Variants in ITFG1 observed in about 807,000 individuals in gnomAD.
ITFG1 encodes integrin alpha FG-GAP repeat containing 1, also known as T-cell immunomodulatory protein.
In ITFG1, 34 loss-of-function variants were observed where a neutral mutation model predicts 81.8. The ratio of observed to expected loss-of-function variants is 0.42; its 90% CI spans 0.32 to 0.55. The LOEUF (loss-of-function observed/expected upper bound fraction) is 0.55, where lower values mean the gene tolerates loss of function less well. Among genes scored for constraint, ITFG1 ranks in the 20% least tolerant of loss-of-function variants. ITFG1 has a pLI of 0.17. For synonymous variants in ITFG1, 285 were observed against 270.6 expected (o/e 1.05, Z -0.52); for missense variants, 672 against 755.4 (o/e 0.89, Z 1.29).
At chr16:47,310,121 G>A (rs566903209) in intron 10 of ITFG1, among the ~76,000 whole-genome samples, 4 of 152,314 alleles carry the variant, frequency 2.6e-5, no homozygotes, top group South Asian at 2.1e-4. Flanking sequence ...CTCCAAACAG[G>A]ATGCAGAGAC....
chr16:47,403,919 C>T (rs1262733325), intron 6 of ITFG1, among the ~76,000 whole-genome samples: 2 of 151,758 alleles, frequency 1.3e-5, no homozygotes, highest in Non-Finnish European at 2.9e-5. Context: ...GCATCACCCT[C>T]AGAAGGGACC....
At chr16:47,418,081 A>G (rs1968896304) in intron 6 of ITFG1, among the ~76,000 whole-genome samples, 1 of 152,168 alleles carries the variant, frequency 6.6e-6, no homozygotes, top group Admixed American at 6.5e-5. Context: ...AGCCATTTGA[A>G]TAACAATGAG....
intron 8 of ITFG1, among the ~76,000 whole-genome samples, chr16:47,317,373 C>T (rs754228408): frequency 1.3e-5 from 2 of 152,020 alleles, no homozygotes; most frequent in East Asian, 3.8e-4. Flanking sequence ...AAGCAGAGAA[C>T]AATAAAAGAT....
rs549043675 is a variant in ITFG1 at position 47,336,249 on chromosome 16, A to G, written c.803-22426T>C. Among the ~76,000 whole-genome samples the G allele has an allele frequency of 3.3e-5, 5 of 152,304 alleles. No individual in the cohort carries two copies. The East Asian group carries it at 7.7e-4, about 24-fold the overall frequency. Reference sequence around the variant, plus strand: ...AAACAAGCTGAAACTATCAGAAATAACTGTCAGAACTCTGGAAAACGGTCA... The same window carrying G: ...AAACAAGCTGAAACTATCAGAAATAGCTGTCAGAACTCTGGAAAACGGTCA... On this transcript the variant is annotated intron_variant, in intron 8 of 17. Coordinates refer to ENST00000320640, the MANE Select transcript of ITFG1 (RefSeq NM_030790.5).
chr16:47,254,745 T>C (rs1682632926), intron 12 of ITFG1, among the ~76,000 whole-genome samples: 1 of 152,244 alleles, frequency 6.6e-6, no homozygotes, highest in African/African-American at 2.4e-5. Flanking sequence ...ACTTAATGCG[T>C]AACATCTGTC....
chr16:47,306,141 C>G (rs1464300523), intron 10 of ITFG1, among the ~76,000 whole-genome samples: 1 of 151,428 alleles, frequency 6.6e-6, no homozygotes, highest in East Asian at 1.9e-4. Context: ...ATTTAATAAC[C>G]ACAATGACAA....
intron 14 of ITFG1, among the ~76,000 whole-genome samples, chr16:47,196,119 T>C (rs568836563): frequency 4.6e-5 from 7 of 152,322 alleles, no homozygotes; most frequent in South Asian, 2.1e-4. Context: ...TGTTCTGCTA[T>C]AGGTATTTTT....
chr16:47,263,007 T>C (rs1328263835), intron 10 of ITFG1: 3 of 191,522 alleles, frequency 1.6e-5, no homozygotes, highest in South Asian at 1.2e-4. Flanking sequence ...CCCGAAGCCA[T>C]CATGGCTAGG....
intron 14 of ITFG1, among the ~76,000 whole-genome samples, chr16:47,201,396 G>C (rs1479213498): frequency 6.6e-6 from 1 of 151,674 alleles, no homozygotes; most frequent in Non-Finnish European, 1.5e-5. Context: ...TTTTATTACA[G>C]ACAGGTTTCA....
chr16:47,457,403 T>C (rs1192205679), intron 2 of ITFG1, among the ~76,000 whole-genome samples: 2 of 152,148 alleles, frequency 1.3e-5, no homozygotes, highest in East Asian at 1.9e-4. Flanking sequence ...TAAACAATGA[T>C]TACTAATTTA....
intron 10 of ITFG1, among the ~76,000 whole-genome samples, chr16:47,292,218 T>G (rs1332540950): frequency 1.3e-5 from 2 of 152,192 alleles, no homozygotes; most frequent in Non-Finnish European, 2.9e-5. Context: ...TTCACCATGT[T>G]GACCAGGCTG....
intron 17 of ITFG1, among the ~76,000 whole-genome samples, chr16:47,158,584 T>C (rs1323936022): frequency 1.3e-5 from 2 of 152,242 alleles, no homozygotes; most frequent in Non-Finnish European, 2.9e-5. Flanking sequence ...ATGAAATTGT[T>C]TCTAAATGCC....
chr16:47,163,765 T>C (rs1964845468), intron 14 of ITFG1, among the ~76,000 whole-genome samples: 1 of 152,216 alleles, frequency 6.6e-6, no homozygotes, highest in African/African-American at 2.4e-5. Context: ...TTCCACATCC[T>C]CAATAACACT....
chr16:47,201,679 C>A (rs1361732797), intron 14 of ITFG1, among the ~76,000 whole-genome samples: 1 of 152,030 alleles, frequency 6.6e-6, no homozygotes, highest in Non-Finnish European at 1.5e-5. Context: ...CAATCAAGTT[C>A]TCAGCAAAAA....
intron 14 of ITFG1, among the ~76,000 whole-genome samples, chr16:47,172,155 TGTCTAACAC>T (rs1473174296): frequency 6.6e-6 from 1 of 152,198 alleles, no homozygotes; most frequent in Non-Finnish European, 1.5e-5. Flanking sequence ...AATATTTTCA[TGTCTAACAC>T]ATATTACCAA....
intron 8 of ITFG1, among the ~76,000 whole-genome samples, chr16:47,325,117 A>C (rs1383467851): frequency 6.6e-6 from 1 of 152,224 alleles, no homozygotes; most frequent in Non-Finnish European, 1.5e-5. Flanking sequence ...GAAGAACAGA[A>C]ATTATAACAA....
intron 13 of ITFG1, among the ~76,000 whole-genome samples, chr16:47,235,977 A>T (rs781192133): frequency 2.6e-5 from 4 of 152,220 alleles, no homozygotes; most frequent in African/African-American, 4.8e-5. Flanking sequence ...TCTTAATTTC[A>T]AAGAAAGTCA....
At chr16:47,363,242 T>G (rs62061079) in intron 8 of ITFG1, among the ~76,000 whole-genome samples, 35 of 152,322 alleles carry the variant, frequency 2.3e-4, no homozygotes, top group Non-Finnish European at 3.8e-4. Flanking sequence ...AAAATCAGTT[T>G]TCTTACATAG....
chr16:47,453,050 A>C (rs953083849), intron 3 of ITFG1, among the ~76,000 whole-genome samples: 19 of 152,304 alleles, frequency 1.2e-4, no homozygotes, highest in African/African-American at 4.6e-4. Context: ...AATATTTGCT[A>C]GCTGAGTCTT....
Sources: allele counts gnomAD v4.1 joint callset (sites outside exome capture counted in the v4.1 genomes callset), GRCh38; gene constraint gnomAD v4.1.1; transcripts MANE v1.5; gene names NCBI Gene and HGNC (gene_info 2026-07-23, HGNC 2026-07-21).